IMMP2L: variants seen among roughly 807,000 people sequenced by gnomAD.
IMMP2L encodes inner mitochondrial membrane peptidase subunit 2.
IMMP2L carries 18 observed loss-of-function variants against 19.3 expected under a neutral mutation model. The ratio of observed to expected loss-of-function variants is 0.93; its 90% CI spans 0.64 to 1.38. The LOEUF is 1.38. IMMP2L is among the 40% of genes most tolerant of loss of function. The pLI, the probability that IMMP2L is intolerant of heterozygous loss-of-function variation, is 0.00. For missense variants in IMMP2L, 233 were observed against 218.2 expected, an observed-to-expected ratio of 1.07 and a Z score of -0.43; for synonymous variants, 76 against 73.0, an observed-to-expected ratio of 1.04 and a Z score of -0.21.
intron 3 of IMMP2L, among the ~76,000 whole-genome samples, chr7:111,111,950 T>G (rs912442288): frequency 8.3e-5 from 11 of 131,764 alleles, no homozygotes; most frequent in East Asian, 4.2e-4. Context: ...TTGTTTTTTT[T>G]TTTTTTTTTT....
chr7:110,721,663 T>A (rs1795580711), intron 5 of IMMP2L, among the ~76,000 whole-genome samples: 1 of 152,130 alleles, frequency 6.6e-6, no homozygotes, highest in African/African-American at 2.4e-5. Context: ...ACTATCAGTA[T>A]AACCATTAAT....
intron 5 of IMMP2L, among the ~76,000 whole-genome samples, chr7:110,817,704 T>A (rs920744170): frequency 2.6e-4 from 39 of 152,208 alleles, no homozygotes; most frequent in Non-Finnish European, 4.9e-4. Flanking sequence ...GCTACCTGAC[T>A]TCAAACTATA....
chr7:111,452,156 C>G (rs1839266577), intron 3 of IMMP2L, among the ~76,000 whole-genome samples: 1 of 152,036 alleles, frequency 6.6e-6, no homozygotes, highest in South Asian at 2.1e-4. Context: ...AATTTTGAGC[C>G]TTACTTTAGT....
intron 4 of IMMP2L, among the ~76,000 whole-genome samples, chr7:110,887,518 A>G (rs927992596): frequency 2.0e-5 from 3 of 151,984 alleles, no homozygotes. Context: ...GTAGAAATCC[A>G]TTTGAAAAAT....
chr7:111,235,395 T>C (rs1172108127), intron 3 of IMMP2L, among the ~76,000 whole-genome samples: 1 of 151,702 alleles, frequency 6.6e-6, no homozygotes, highest in African/African-American at 2.4e-5. Context: ...CGCTTGAACT[T>C]GGGAAGTGGA....
Position 111,123,201 on chromosome 7 carries a change from A to G in IMMP2L, c.240-159636T>C. 6.2e-7 allele frequency: 1 copy of G among 1,614,012 alleles called. No individual in the cohort carries two copies. Among genetic ancestry groups the G allele is most frequent in the Non-Finnish European group, 8.5e-7 (1 of 1,179,970 alleles). On this transcript the variant is annotated intron_variant, in intron 3 of 5. Coordinates refer to ENST00000405709, the MANE Select transcript of IMMP2L (RefSeq NM_032549.4). This position sits in a 1 kb window ranked among gnomAD's most constrained non-coding sequence, Gnocchi z 6.4. ...GTCTGTCCGAACTGAGCAACTTACA[A>G]GAACTCTATATTAATCACAACTTGC...
intron 3 of IMMP2L, among the ~76,000 whole-genome samples, chr7:111,216,373 T>C (rs1664231412): frequency 1.3e-5 from 2 of 152,304 alleles, no homozygotes; most frequent in Admixed American, 1.3e-4. Context: ...AAACTTGCTT[T>C]GAATTTTAGT....
intron 1 of IMMP2L, among the ~76,000 whole-genome samples, chr7:111,526,102 T>C (rs1418406263): frequency 6.6e-6 from 1 of 151,892 alleles, no homozygotes; most frequent in East Asian, 1.9e-4. Context: ...CTAAAATAAG[T>C]TCAGTTTGGA....
intron 3 of IMMP2L, among the ~76,000 whole-genome samples, chr7:111,214,755 G>A (rs1811752345): frequency 6.6e-6 from 1 of 150,912 alleles, no homozygotes; most frequent in Admixed American, 6.6e-5. Flanking sequence ...AGTACATACT[G>A]TGTAGATTAT....
chr7:110,953,923 G>A (rs1471173939), intron 4 of IMMP2L, among the ~76,000 whole-genome samples: 1 of 152,134 alleles, frequency 6.6e-6, no homozygotes, highest in Non-Finnish European at 1.5e-5. Context: ...GACCAGTGAT[G>A]ATGAGCTTTT....
At chr7:110,766,931 C>G (rs965936479) in intron 5 of IMMP2L, among the ~76,000 whole-genome samples, 1 of 152,044 alleles carries the variant, frequency 6.6e-6, no homozygotes, top group Non-Finnish European at 1.5e-5. Context: ...AGGAAACTTA[C>G]AGCAATTTTC....
chr7:110,962,040 GTA>G (rs1000714674), intron 4 of IMMP2L, among the ~76,000 whole-genome samples: 4 of 151,898 alleles, frequency 2.6e-5, no homozygotes, highest in African/African-American at 7.2e-5. Flanking sequence ...TCATTGAACT[GTA>G]TATTTTAAAT....
intron 5 of IMMP2L, among the ~76,000 whole-genome samples, chr7:110,778,561 T>A (rs560079801): frequency 6.6e-6 from 1 of 152,158 alleles, no homozygotes; most frequent in Admixed American, 6.6e-5. Context: ...AGAGCAAACT[T>A]ATTTTTATTC....
At chr7:110,941,118 T>C (rs1045281618) in intron 4 of IMMP2L, among the ~76,000 whole-genome samples, 4 of 152,210 alleles carry the variant, frequency 2.6e-5, no homozygotes, top group East Asian at 3.8e-4. Flanking sequence ...TTAGGTTAAA[T>C]GCATCTCTCA....
chr7:111,408,097 AT>A (rs1207381652), intron 3 of IMMP2L, among the ~76,000 whole-genome samples: 1 of 152,034 alleles, frequency 6.6e-6, no homozygotes, highest in Non-Finnish European at 1.5e-5. Context: ...AAAATAAAAC[AT>A]TCTACCTTAA....
intron 2 of IMMP2L, among the ~76,000 whole-genome samples, chr7:111,505,055 A>G (rs1206682458): frequency 1.3e-5 from 2 of 152,130 alleles, no homozygotes; most frequent in Non-Finnish European, 2.9e-5. Flanking sequence ...ATGGGAAAAA[A>G]TTTTCGCAAC....
intron 5 of IMMP2L, among the ~76,000 whole-genome samples, chr7:110,775,946 A>C (rs2131049847): frequency 6.7e-6 from 1 of 149,328 alleles, no homozygotes; most frequent in Middle Eastern, 3.4e-3. Flanking sequence ...TGCATAAAAT[A>C]AGCAAAATAC....
chr7:110,804,781 C>T (rs1801509480), intron 5 of IMMP2L, among the ~76,000 whole-genome samples: 1 of 152,098 alleles, frequency 6.6e-6, no homozygotes, highest in Non-Finnish European at 1.5e-5. Context: ...CAGCTTCGGC[C>T]ATGCTAATGA....
intron 3 of IMMP2L, among the ~76,000 whole-genome samples, chr7:111,340,510 T>C (rs942928043): frequency 2.0e-5 from 3 of 152,082 alleles, no homozygotes; most frequent in Non-Finnish European, 2.9e-5. Context: ...CTTTCAAATA[T>C]AGAACATAAT....
Sources: gnomAD v4.1 joint callset for allele counts (sites outside exome capture counted in the v4.1 genomes callset) on GRCh38, gnomAD v4.1.1 for gene constraint, Gnocchi (gnomAD v3.1) non-coding constraint, MANE v1.5 for transcripts, NCBI Gene and HGNC (gene_info 2026-07-23, HGNC 2026-07-21) for gene names.